Variants in SPTLC3 observed in about 807,000 individuals in gnomAD.
SPTLC3 encodes serine palmitoyltransferase long chain base subunit 3.
In SPTLC3, 36 loss-of-function variants were observed where a neutral mutation model predicts 59.3. That is an observed-to-expected ratio of 0.61 (90% CI 0.47 to 0.80). The LOEUF is 0.80. Among genes scored for constraint, SPTLC3 ranks in the 30% least tolerant of loss-of-function variants. The pLI is 0.00. For synonymous variants in SPTLC3, 257 were observed against 240.8 expected (o/e 1.07, Z -0.62); for missense variants, 625 against 685.1 (o/e 0.91, Z 0.98).
intron 11 of SPTLC3, among the ~76,000 whole-genome samples, chr20:13,162,359 C>G (rs2038910828): frequency 6.6e-6 from 1 of 152,152 alleles, no homozygotes; most frequent in African/African-American, 2.4e-5. Flanking sequence ...ATTCTCTTCA[C>G]AACTTCTTAA....
intron 4 of SPTLC3, among the ~76,000 whole-genome samples, chr20:13,088,681 C>T (rs1192484493): frequency 2.6e-5 from 4 of 151,538 alleles, no homozygotes; most frequent in Non-Finnish European, 4.4e-5. Flanking sequence ...TGCAGTGGCT[C>T]GATCTCAGCT....
chr20:13,157,148 C>T (rs1482929722), intron 10 of SPTLC3, among the ~76,000 whole-genome samples: 1 of 151,946 alleles, frequency 6.6e-6, no homozygotes, highest in Non-Finnish European at 1.5e-5. Flanking sequence ...GGTCAAATTA[C>T]TTTCTAAAGC....
chr20:13,070,027 C>T (rs1988379469), intron 2 of SPTLC3, among the ~76,000 whole-genome samples: 1 of 151,968 alleles, frequency 6.6e-6, no homozygotes, highest in Admixed American at 6.5e-5. Context: ...AAGCAGTAAA[C>T]AGTCTGAAAA....
At chr20:13,143,050 T>TA (rs1411507441) in intron 9 of SPTLC3, among the ~76,000 whole-genome samples, 6 of 152,228 alleles carry the variant, frequency 3.9e-5, no homozygotes, top group African/African-American at 1.2e-4. Context: ...AGGAGGACTT[T>TA]ATGTAGTTAA....
chr20:13,093,587 AGTGT>A lies in SPTLC3; in HGVS notation c.826+11_826+14del. The stretch of plus-strand genomic sequence containing the variant: ...ATCTTCAAACACAACAGTGAGTATC[AGTGT>A]ATTTTCTCAACATGTACTGGATTGC... On this transcript the variant is annotated intron_variant, in intron 6 of 11. Transcript: ENST00000399002. 6.2e-7 allele frequency: 1 copy of A among 1,610,988 alleles called. No homozygotes were observed. The highest frequency in any genetic ancestry group is 8.5e-7 in the Non-Finnish European group (1 of 1,177,448).
At chr20:13,086,393 A>G (rs1989005999) in intron 4 of SPTLC3, among the ~76,000 whole-genome samples, 1 of 152,204 alleles carries the variant, frequency 6.6e-6, no homozygotes, top group Non-Finnish European at 1.5e-5. Flanking sequence ...ACCTCACCCT[A>G]GACCAGTCCA....
rs145910465 is a variant in SPTLC3 at position 13,051,481 on chromosome 20, A to T, written c.303+2351A>T. 2.8e-3 allele frequency among the ~76,000 whole-genome samples: 433 copies of T among 152,362 alleles called. 4 individuals are homozygous for T. Among genetic ancestry groups the T allele is most frequent in the African/African-American group, 9.3e-3 (387 of 41,590 alleles). ...AAGAAATGAGACAGACAGCAACACGATAATAGTGAGGGACTTCAGTACTCC... is the reference window on the plus strand; with the variant it reads ...AAGAAATGAGACAGACAGCAACACGTTAATAGTGAGGGACTTCAGTACTCC... On this transcript the variant is annotated intron_variant, in intron 2 of 11. Coordinates refer to ENST00000399002, the MANE Select transcript of SPTLC3 (RefSeq NM_018327.4).
rs1988030642 is a variant in SPTLC3 at position 13,062,953 on chromosome 20, TTC to T, written c.304-9301_304-9300del. On this transcript the variant is annotated intron_variant, in intron 2 of 11. Coordinates refer to ENST00000399002, the MANE Select transcript of SPTLC3 (RefSeq NM_018327.4). Reference sequence around the variant, plus strand: ...TCTAGGATAATTCCTGGAAGTGGCTTTCTGAGTCCAAGGCATGCACATTTTAA... The same window carrying T: ...TCTAGGATAATTCCTGGAAGTGGCTTTGAGTCCAAGGCATGCACATTTTAA... 2.0e-5 allele frequency among the ~76,000 whole-genome samples: 3 copies of T among 152,308 alleles called. No homozygotes were observed. The South Asian group carries it at 6.2e-4, about 32-fold the overall frequency.
At chr20:13,094,859 G>GC (rs998198463) in intron 6 of SPTLC3, among the ~76,000 whole-genome samples, 8 of 152,104 alleles carry the variant, frequency 5.3e-5, no homozygotes, top group African/African-American at 1.7e-4. Flanking sequence ...CCAAACTATG[G>GC]CCCCCTCAGA....
chr20:13,132,583 C>T (rs1383234203), intron 9 of SPTLC3, among the ~76,000 whole-genome samples: 1 of 152,128 alleles, frequency 6.6e-6, no homozygotes, highest in African/African-American at 2.4e-5. Flanking sequence ...AAGCACTTTG[C>T]CTATTTTATT....
At chr20:13,155,374 G>T (rs1446408843) in intron 10 of SPTLC3, among the ~76,000 whole-genome samples, 1 of 152,102 alleles carries the variant, frequency 6.6e-6, no homozygotes, top group African/African-American at 2.4e-5. Flanking sequence ...GACTAGATTG[G>T]CAGAGTACTT....
chr20:13,030,293 A>G lies in SPTLC3; in HGVS notation c.118-18652A>G, dbSNP rs558920402. 3.3e-5 allele frequency among the ~76,000 whole-genome samples: 5 copies of G among 152,192 alleles called. No individual in the cohort carries two copies. In the South Asian group the frequency reaches 8.3e-4, roughly 25 times the overall value. ...CTAGCCTTTTGAATTTTGGTCAGAG[A>G]CTTGAAATTTCAGAACCAACTAAGT... On this transcript the variant is annotated intron_variant, in intron 1 of 11. Transcript: ENST00000399002.
chr20:13,079,049 A>G (rs1322890840), intron 4 of SPTLC3, among the ~76,000 whole-genome samples: 1 of 152,336 alleles, frequency 6.6e-6, no homozygotes, highest in East Asian at 1.9e-4. Flanking sequence ...CACCTAGGGA[A>G]TAAACTTATT....
chr20:13,099,650 G>T (rs1389404171), intron 6 of SPTLC3, among the ~76,000 whole-genome samples: 2 of 152,196 alleles, frequency 1.3e-5, no homozygotes, highest in Non-Finnish European at 2.9e-5. Flanking sequence ...TTTCTTGAGA[G>T]GTGAGGGAAG....
chr20:13,081,314 C>A (rs1568592950), intron 4 of SPTLC3, among the ~76,000 whole-genome samples: 1 of 152,142 alleles, frequency 6.6e-6, no homozygotes, highest in African/African-American at 2.4e-5. Flanking sequence ...ATAGGATGCC[C>A]AGCATATTGT....
At chr20:13,020,355 A>AAG (rs1985809514) in intron 1 of SPTLC3, among the ~76,000 whole-genome samples, 1 of 149,056 alleles carries the variant, frequency 6.7e-6, no homozygotes. Flanking sequence ...CTTAAAAAAA[A>AAG]AAAAGAAAAA....
chr20:13,064,533 G>T (rs1016321433), intron 2 of SPTLC3, among the ~76,000 whole-genome samples: 3 of 152,138 alleles, frequency 2.0e-5, no homozygotes, highest in Admixed American at 2.0e-4. Context: ...GACCTCAAGC[G>T]ATCCGCCTGC....
intron 10 of SPTLC3, among the ~76,000 whole-genome samples, chr20:13,155,193 A>G (rs1011964714): frequency 1.3e-5 from 2 of 152,152 alleles, no homozygotes; most frequent in Non-Finnish European, 2.9e-5. Flanking sequence ...GTCAAAAAAA[A>G]AAAGGAAGTT....
At chr20:13,084,592 G>T (rs1988946696) in intron 4 of SPTLC3, among the ~76,000 whole-genome samples, 1 of 139,754 alleles carries the variant, frequency 7.2e-6, no homozygotes, top group Non-Finnish European at 1.6e-5. Context: ...CAAAAACTTG[G>T]ATGACAATTA....
Sources: gnomAD v4.1 joint callset for allele counts (sites outside exome capture counted in the v4.1 genomes callset) on GRCh38, gnomAD v4.1.1 for gene constraint, MANE v1.5 for transcripts, NCBI Gene and HGNC (gene_info 2026-07-23, HGNC 2026-07-21) for gene names.